Variants in SGIP1 observed in about 807,000 individuals in gnomAD.
SGIP1 encodes the protein SH3-containing GRB2-like protein 3-interacting protein 1.
Under a neutral mutation model 107.5 loss-of-function variants are expected in SGIP1, and 38 were observed. The observed-to-expected ratio is 0.35, with a 90% confidence interval of 0.27 to 0.46. SGIP1 has a LOEUF of 0.46. Ranked by LOEUF, SGIP1 falls within the 20% of genes least tolerant of loss-of-function variation. The probability of loss-of-function intolerance (pLI) is 1.00; values close to 1 mark genes in which losing one functional copy is unlikely to be tolerated. For synonymous variants in SGIP1, 365 were observed against 366.1 expected (o/e 1.00, Z 0.03); for missense variants, 929 against 1,019.5 (o/e 0.91, Z 1.21).
chr1:66,685,478 A>G (rs2087980240), intron 15 of SGIP1, among the ~76,000 whole-genome samples: 1 of 152,210 alleles, frequency 6.6e-6, no homozygotes, highest in African/African-American at 2.4e-5. Flanking sequence ...GGCTGGAGGC[A>G]AAGAGTTTTG....
intron 18 of SGIP1, among the ~76,000 whole-genome samples, chr1:66,698,760 T>C (rs1288438849): frequency 6.6e-6 from 1 of 152,124 alleles, no homozygotes; most frequent in Non-Finnish European, 1.5e-5. Context: ...GGGCAAGATA[T>C]TTTCATGACA....
intron 1 of SGIP1, among the ~76,000 whole-genome samples, chr1:66,610,519 C>T (rs1287797013): frequency 6.6e-6 from 1 of 152,138 alleles, no homozygotes; most frequent in Non-Finnish European, 1.5e-5. Flanking sequence ...TGTAATTTAG[C>T]TACCCATTAG....
intron 1 of SGIP1, among the ~76,000 whole-genome samples, chr1:66,619,817 T>A (rs908606712): frequency 6.6e-6 from 1 of 152,212 alleles, no homozygotes; most frequent in Admixed American, 6.5e-5. Flanking sequence ...TCCAGGAGTG[T>A]GACCTCCACT....
chr1:66,631,079 G>T (rs1033397969), intron 2 of SGIP1, among the ~76,000 whole-genome samples: 1 of 141,590 alleles, frequency 7.1e-6, no homozygotes, highest in Non-Finnish European at 1.6e-5. Context: ...AAGAAAGAAA[G>T]AAAGAAAGAA....
intron 1 of SGIP1, among the ~76,000 whole-genome samples, chr1:66,557,857 A>G (rs547682003): frequency 2.7e-3 from 411 of 152,060 alleles, no homozygotes; most frequent in Non-Finnish European, 4.8e-3. Context: ...AGACACTTAC[A>G]CTTTGTGGAT....
At chr1:66,719,816 T>C (rs1467178194) in intron 19 of SGIP1, among the ~76,000 whole-genome samples, 1 of 151,968 alleles carries the variant, frequency 6.6e-6, no homozygotes, top group African/African-American at 2.4e-5. Flanking sequence ...CACATATAAA[T>C]TAAAACAACG....
intron 9 of SGIP1, among the ~76,000 whole-genome samples, chr1:66,669,043 TGTTGCTGCTGA>T (rs2083204423): frequency 6.6e-6 from 1 of 152,362 alleles, no homozygotes; most frequent in East Asian, 1.9e-4. Flanking sequence ...CTTTCTTTTC[TGTTGCTGCTGA>T]GTTGCTGCTG....
At chr1:66,658,663 G>A (rs532794185) in intron 7 of SGIP1, among the ~76,000 whole-genome samples, 1 of 152,318 alleles carries the variant, frequency 6.6e-6, no homozygotes, top group Non-Finnish European at 1.5e-5. Flanking sequence ...AGCCATTACT[G>A]TGAGCTAATA....
At chr1:66,544,430 A>G (rs2055829955) in intron 1 of SGIP1, among the ~76,000 whole-genome samples, 1 of 152,198 alleles carries the variant, frequency 6.6e-6, no homozygotes, top group Admixed American at 6.6e-5. Flanking sequence ...TCATACCTGT[A>G]ATTCCAGCCC....
At chr1:66,661,791 G>T in intron 8 of SGIP1, among the ~76,000 whole-genome samples, 2 of 96,664 alleles carry the variant, frequency 2.1e-5, no homozygotes, top group Non-Finnish European at 1.9e-5. Flanking sequence ...GTTTGCCTAT[G>T]GTGCTTTAAA....
chr1:66,541,241 T>C (rs1358081907), intron 1 of SGIP1, among the ~76,000 whole-genome samples: 4 of 152,258 alleles, frequency 2.6e-5, no homozygotes. Flanking sequence ...CTAAGTGCTA[T>C]AAGCTCAGTA....
chr1:66,667,868 A>T (rs1315080842), intron 9 of SGIP1, among the ~76,000 whole-genome samples: 1 of 152,196 alleles, frequency 6.6e-6, no homozygotes, highest in African/African-American at 2.4e-5. Context: ...ACCAGAAAGT[A>T]CCATAGAAGT....
intron 1 of SGIP1, among the ~76,000 whole-genome samples, chr1:66,574,452 T>A (rs905241950): frequency 2.0e-5 from 3 of 152,168 alleles, no homozygotes; most frequent in Non-Finnish European, 4.4e-5. Flanking sequence ...GTTTTATTCA[T>A]CACCTAGTAT....
intron 2 of SGIP1, among the ~76,000 whole-genome samples, chr1:66,631,095 G>GAAAGAAAGAAAA (rs2074554722): frequency 7.3e-6 from 1 of 136,462 alleles, no homozygotes; most frequent in Non-Finnish European, 1.6e-5. Flanking sequence ...AAGAAAGAAA[G>GAAAGAAAGAAAA]AAAGAAAAAA....
At chr1:66,554,372 A>G (rs2057874708) in intron 1 of SGIP1, among the ~76,000 whole-genome samples, 1 of 152,160 alleles carries the variant, frequency 6.6e-6, no homozygotes, top group Admixed American at 6.6e-5. Context: ...TAGCCAATGC[A>G]AATAATGCAA....
intron 12 of SGIP1, 24 bp from the exon 13 acceptor site, chr1:66,676,980 G>A: frequency 6.3e-7 from 1 of 1,580,140 alleles, no homozygotes; most frequent in Middle Eastern, 1.7e-4. Context: ...ACTCACCCTG[G>A]GAAATCTTCT....
At chr1:66,715,199 A>G (rs2093164629) in intron 18 of SGIP1, among the ~76,000 whole-genome samples, 1 of 152,162 alleles carries the variant, frequency 6.6e-6, no homozygotes, top group Non-Finnish European at 1.5e-5. Flanking sequence ...TAATGTTTGT[A>G]GAATAACAAA....
chr1:66,716,880 T>C (rs650202), intron 18 of SGIP1, among the ~76,000 whole-genome samples: 44,449 of 151,936 alleles, frequency 0.29, 7,585 homozygotes, highest in East Asian at 0.79. Flanking sequence ...TGCTTCCACA[T>C]GTCACCCTTC....
At chr1:66,703,414 G>T (rs2092170217) in intron 18 of SGIP1, among the ~76,000 whole-genome samples, 1 of 151,876 alleles carries the variant, frequency 6.6e-6, no homozygotes, top group African/African-American at 2.4e-5. Context: ...GAAAATCTTA[G>T]GTGATATGTA....
Sources: allele counts gnomAD v4.1 joint callset (sites outside exome capture counted in the v4.1 genomes callset), GRCh38; gene constraint gnomAD v4.1.1; transcripts MANE v1.5; gene names NCBI Gene and HGNC (gene_info 2026-07-23, HGNC 2026-07-21).